The following NUP153 variants were observed in gnomAD, a reference collection of about 807,000 sequenced individuals.
NUP153 encodes the protein nucleoporin 153.
Under a neutral mutation model 134.6 loss-of-function variants are expected in NUP153, and 27 were observed. The ratio of observed to expected loss-of-function variants is 0.20; its 90% CI spans 0.15 to 0.28. NUP153 has a LOEUF of 0.28. Ranked by LOEUF, NUP153 falls within the 10% of genes least tolerant of loss-of-function variation. The pLI is 1.00. For missense variants in NUP153, 1,821 were observed against 1,731.3 expected, an observed-to-expected ratio of 1.05 and a Z score of -0.92; for synonymous variants, 640 against 623.5, an observed-to-expected ratio of 1.03 and a Z score of -0.40.
intron 17 of NUP153, among the ~76,000 whole-genome samples, chr6:17,631,606 G>A (rs1306431229): frequency 6.6e-6 from 1 of 152,198 alleles, no homozygotes; most frequent in Non-Finnish European, 1.5e-5. Flanking sequence ...TGTCTGAGTT[G>A]TTTCAAGACA....
intron 1 of NUP153, among the ~76,000 whole-genome samples, chr6:17,705,773 C>G (rs945778584): frequency 3.9e-5 from 6 of 152,132 alleles, no homozygotes; most frequent in Non-Finnish European, 8.8e-5. Flanking sequence ...AGTTATTCCA[C>G]TTTCCATGTA....
At chr6:17,698,574 T>C (rs1323002480) in intron 1 of NUP153, among the ~76,000 whole-genome samples, 1 of 151,846 alleles carries the variant, frequency 6.6e-6, no homozygotes, top group East Asian at 1.9e-4. Flanking sequence ...CCATCTCTAC[T>C]AAGAATACAA....
intron 1 of NUP153, among the ~76,000 whole-genome samples, chr6:17,701,782 A>G (rs950620266): frequency 7.3e-6 from 1 of 137,388 alleles, no homozygotes; most frequent in Non-Finnish European, 1.5e-5. Context: ...GCAGTGAGCC[A>G]AGATTGTGCC....
chr6:17,627,417 T>C (rs1191045175), intron 18 of NUP153, among the ~76,000 whole-genome samples: 2 of 152,242 alleles, frequency 1.3e-5, no homozygotes, highest in African/African-American at 2.4e-5. Flanking sequence ...TATTCAAAAG[T>C]ATTCATGGAT....
chr6:17,622,377 A>T (rs190230200), intron 20 of NUP153, among the ~76,000 whole-genome samples: 7 of 152,304 alleles, frequency 4.6e-5, no homozygotes, highest in Admixed American at 4.6e-4. Context: ...AGGCAGGAGG[A>T]TGGCTTGAGC....
At chr6:17,682,985 C>G (rs1273011114) in intron 2 of NUP153, among the ~76,000 whole-genome samples, 1 of 151,020 alleles carries the variant, frequency 6.6e-6, no homozygotes, top group Non-Finnish European at 1.5e-5. Context: ...CTTATCCATT[C>G]GAGTTTGAGC....
At chr6:17,698,810 T>C (rs1346921901) in intron 1 of NUP153, among the ~76,000 whole-genome samples, 1 of 147,688 alleles carries the variant, frequency 6.8e-6, no homozygotes, top group Non-Finnish European at 1.5e-5. Context: ...GGGGCGGAGG[T>C]TGCAGTGAGC....
At position 17,646,075 on chromosome 6, in the gene NUP153, CT is replaced by C; in HGVS notation, c.1711del (p.Ser571ValfsTer10). The C allele has an allele frequency of 6.5e-7, 1 of 1,541,544 alleles. No individual in the cohort carries two copies. The highest frequency in any genetic ancestry group is 9.0e-7 in the Non-Finnish European group (1 of 1,117,312). ...AAGAAATTTTTACTTACCTGAACTA[CT>C]TATAATTGGTTCTAAAGTACTACTA... ...GSSSTLEPII[S>X]SSAHHVTTVN... On this transcript the variant is annotated frameshift_variant, in exon 14 of 22. Coordinates refer to ENST00000262077, the MANE Select transcript of NUP153 (RefSeq NM_005124.4). LOFTEE classifies it high-confidence loss of function.
At position 17,616,592 on chromosome 6, in the gene NUP153, G is replaced by C. The variant is rs1764341751; in HGVS notation, c.4278C>G (p.Ala1426=). 6.2e-7 allele frequency: 1 copy of C among 1,614,096 alleles called. No homozygotes were observed. The highest frequency in any genetic ancestry group is 1.7e-5 in the Admixed American group (1 of 60,012). The change falls in exon 21 of 22, where the codon GCC becomes GCG. Residue 1426 remains alanine (A), a synonymous_variant. Transcript: ENST00000262077. ...CCCCCGAGCCTGAAGGCTGGGCTGA[G>C]GCTGCAGGTGTGCTAGAATTTGCAC... ...TFGANSSTPA[A]SAQPSGSGGF...
chr6:17,631,244 C>T (rs112931496), intron 17 of NUP153, among the ~76,000 whole-genome samples: 2,179 of 152,120 alleles, frequency 0.014, 61 homozygotes, highest in African/African-American at 0.05. Flanking sequence ...ATCATATAGA[C>T]ATATACGCTG....
chr6:17,639,042 C>T (rs934845903), intron 15 of NUP153, among the ~76,000 whole-genome samples: 4 of 152,050 alleles, frequency 2.6e-5, no homozygotes, highest in Non-Finnish European at 5.9e-5. Context: ...ATTAGATTAT[C>T]TCACAGTTTT....
intron 11 of NUP153, among the ~76,000 whole-genome samples, chr6:17,654,405 T>G (rs1258937061): frequency 6.6e-6 from 1 of 151,906 alleles, no homozygotes; most frequent in Non-Finnish European, 1.5e-5. Flanking sequence ...CACTGCAACC[T>G]CTGCCTTCTG....
At position 17,629,213 on chromosome 6, in the gene NUP153, T is replaced by A; in HGVS notation, c.2986A>T (p.Thr996Ser). 6.2e-7 allele frequency: 1 copy of A among 1,613,536 alleles called. No individual in the cohort carries two copies. Among genetic ancestry groups the A allele is most frequent in the Non-Finnish European group, 8.5e-7 (1 of 1,179,864 alleles). The change falls in exon 18 of 22, where the codon ACT becomes TCT. Residue 996 changes from threonine (T) to serine (S), a missense_variant. Transcript: ENST00000262077. ...SSGLSNPVSL[T>S]PFQFGVSNLG... ...TTAGATACCCCAAATTGAAATGGAG[T>A]TAAAGAAACTGGGTTGCTTAAACCA...
chr6:17,616,798 G>GGGCAAGA, intron 20 of NUP153, 103 bp from the exon 21 acceptor site: 1 of 1,074,064 alleles, frequency 9.3e-7, no homozygotes, highest in Non-Finnish European at 1.4e-6. Context: ...TGCCCAGGCT[G>GGGCAAGA]GAGTACAGTG....
intron 2 of NUP153, among the ~76,000 whole-genome samples, chr6:17,684,591 A>G (rs1304763376): frequency 6.6e-6 from 1 of 152,236 alleles, no homozygotes; most frequent in Non-Finnish European, 1.5e-5. Context: ...CTAGAGCAGC[A>G]CTTTTAATTT....
At chr6:17,668,407 G>C (rs534298410) in intron 8 of NUP153, among the ~76,000 whole-genome samples, 2 of 151,896 alleles carry the variant, frequency 1.3e-5, no homozygotes, top group Non-Finnish European at 2.9e-5. Context: ...TTTATCAAAA[G>C]GTAACAGTAA....
chr6:17,668,450 A>G (rs141215228), intron 8 of NUP153, among the ~76,000 whole-genome samples: 270 of 152,258 alleles, frequency 1.8e-3, no homozygotes, highest in African/African-American at 6.0e-3. Context: ...TCAAGATGGA[A>G]ATGCTGAATA....
intron 7 of NUP153, 32 bp from the exon 8 acceptor site, chr6:17,669,060 A>C: frequency 7.4e-7 from 1 of 1,351,518 alleles, no homozygotes; most frequent in South Asian, 1.4e-5. Flanking sequence ...ATTAGAATAG[A>C]TGGGGAGTTA....
chr6:17,643,743 T>C (rs879801175), intron 14 of NUP153, among the ~76,000 whole-genome samples: 1 of 152,170 alleles, frequency 6.6e-6, no homozygotes, highest in Non-Finnish European at 1.5e-5. Context: ...GGTGTCAAAG[T>C]GAGAACACAC....
Sources: gnomAD v4.1 joint callset for allele counts (sites outside exome capture counted in the v4.1 genomes callset) on GRCh38, gnomAD v4.1.1 for gene constraint, MANE v1.5 for transcripts, NCBI Gene and HGNC (gene_info 2026-07-23, HGNC 2026-07-21) for gene names.